Variants in TBC1D19 observed in about 807,000 individuals in gnomAD.
TBC1D19 encodes the protein TBC1 domain family member 19.
In TBC1D19, 60 loss-of-function variants were observed where a neutral mutation model predicts 89.0. The ratio of observed to expected loss-of-function variants is 0.67; its 90% CI spans 0.55 to 0.84. The LOEUF is 0.84. Ranked by LOEUF, TBC1D19 falls within the 40% of genes least tolerant of loss-of-function variation. The probability of loss-of-function intolerance (pLI) is 0.00; values close to 1 mark genes in which losing one functional copy is unlikely to be tolerated. For synonymous variants in TBC1D19, 189 were observed against 199.7 expected (o/e 0.95, Z 0.45); for missense variants, 500 against 610.8 (o/e 0.82, Z 1.91).
chr4:26,740,276 A>G (rs1399773879), intron 17 of TBC1D19, among the ~76,000 whole-genome samples: 2 of 152,142 alleles, frequency 1.3e-5, no homozygotes, highest in Non-Finnish European at 2.9e-5. Flanking sequence ...TTCTTTTCTC[A>G]TTTCTTATCT....
the TBC1D19 span, among the ~76,000 whole-genome samples, chr4:26,811,141 G>A: frequency 1.2e-4 from 19 of 152,188 alleles, no homozygotes; most frequent in African/African-American, 3.9e-4. Context: ...TAAAGAAAAG[G>A]TTACACATAT....
chr4:26,810,301 C>A, the TBC1D19 span, among the ~76,000 whole-genome samples: 5 of 152,154 alleles, frequency 3.3e-5, no homozygotes, highest in African/African-American at 1.2e-4. Context: ...TACTTGCACT[C>A]GAATCTTTGT....
chr4:26,609,543 G>A (rs931909753), intron 1 of TBC1D19, among the ~76,000 whole-genome samples: 1 of 152,118 alleles, frequency 6.6e-6, no homozygotes, highest in African/African-American at 2.4e-5. Context: ...AGGACTGACA[G>A]TTGGGAAATC....
chr4:26,688,995 A>G (rs1050629833), intron 13 of TBC1D19, among the ~76,000 whole-genome samples: 1 of 151,858 alleles, frequency 6.6e-6, no homozygotes, highest in Non-Finnish European at 1.5e-5. Context: ...TGTCAATACA[A>G]ATGTCATAAA....
At position 26,590,796 on chromosome 4, in the gene TBC1D19, G is replaced by GTTT. The variant is rs869124166; in HGVS notation, c.99+6533_99+6535dup. ...GGTTCACTCTTTGTCTTGCAGGTCT[G>GTTT]TTTTTTTTTTTTTTTTTTTTTTTTT... On this transcript the variant is annotated intron_variant, in intron 1 of 20. Transcript: ENST00000264866. Among the ~76,000 whole-genome samples, 276 of 52,900 alleles carry GTTT rather than the reference G, an allele frequency of 5.2e-3. 38 individuals carry two copies. Among genetic ancestry groups the GTTT allele is most frequent in the African/African-American group, 0.017 (210 of 12,004 alleles). The allele number at this position is 52,900 out of a possible 152,430, so 34.7% of individuals were successfully genotyped here. A position where few individuals can be genotyped will look rare whatever the true frequency, so the allele number is the denominator to read the frequency against.
intron 7 of TBC1D19, among the ~76,000 whole-genome samples, chr4:26,640,584 A>G (rs995746199): frequency 1.3e-5 from 2 of 152,194 alleles, no homozygotes; most frequent in Non-Finnish European, 2.9e-5. Flanking sequence ...ACGGAGGGTG[A>G]GCCGAAGCAG....
chr4:26,683,345 G>T (rs1267711133), intron 11 of TBC1D19, among the ~76,000 whole-genome samples: 1 of 152,112 alleles, frequency 6.6e-6, no homozygotes, highest in Admixed American at 6.5e-5. Flanking sequence ...GTTGGTTTGG[G>T]ATTAAATGAG....
At chr4:26,721,018 T>C (rs956839362) in intron 15 of TBC1D19, among the ~76,000 whole-genome samples, 7 of 152,144 alleles carry the variant, frequency 4.6e-5, no homozygotes, top group Admixed American at 4.6e-4. Flanking sequence ...GTTCTCTCCC[T>C]GTGTCTCTCA....
chr4:26,810,997 A>G, the TBC1D19 span, among the ~76,000 whole-genome samples: 1 of 152,206 alleles, frequency 6.6e-6, no homozygotes, highest in African/African-American at 2.4e-5. Context: ...AAGCAATCCC[A>G]TTACTGGGTA....
At chr4:26,615,440 C>T (rs1282859743) in intron 3 of TBC1D19, among the ~76,000 whole-genome samples, 1 of 146,876 alleles carries the variant, frequency 6.8e-6, no homozygotes, top group Non-Finnish European at 1.5e-5. Context: ...GTTCCCAAGT[C>T]TAATTGCACG....
chr4:26,649,915 A>G (rs910526549), intron 7 of TBC1D19, among the ~76,000 whole-genome samples: 41 of 151,928 alleles, frequency 2.7e-4, no homozygotes, highest in African/African-American at 9.7e-4. Context: ...TCCTGTGTCC[A>G]TGCATTCTCA....
intron 12 of TBC1D19, among the ~76,000 whole-genome samples, chr4:26,687,712 T>A (rs1713939867): frequency 6.6e-6 from 1 of 152,128 alleles, no homozygotes; most frequent in African/African-American, 2.4e-5. Flanking sequence ...ACATTTAAGA[T>A]GTTGGAGCTC....
intron 7 of TBC1D19, among the ~76,000 whole-genome samples, chr4:26,647,244 T>C (rs1323186240): frequency 1.3e-5 from 2 of 151,994 alleles, no homozygotes; most frequent in African/African-American, 4.8e-5. Flanking sequence ...AGATAGAGGA[T>C]ACAGGAGGAG....
At chr4:26,628,935 C>G (rs920462856) in intron 4 of TBC1D19, among the ~76,000 whole-genome samples, 2 of 151,920 alleles carry the variant, frequency 1.3e-5, no homozygotes, top group Non-Finnish European at 2.9e-5. Flanking sequence ...CCATACTGCC[C>G]AAGGTAATTT....
In TBC1D19 at chr4:26,717,926, T is replaced by C; in HGVS notation, c.955-7T>C. Reference sequence around the variant, plus strand: ...AATTGCTATTTTTTTTCCAATGTTATATTCAGGTATTACTTTGTTTTTCCC... The same window carrying C: ...AATTGCTATTTTTTTTCCAATGTTACATTCAGGTATTACTTTGTTTTTCCC... On this transcript the variant is annotated splice_polypyrimidine_tract_variant and splice_region_variant and intron_variant, in intron 13 of 20. Coordinates refer to ENST00000264866, the MANE Select transcript of TBC1D19 (RefSeq NM_018317.4). 6.2e-7 allele frequency: 1 copy of C among 1,608,676 alleles called. No homozygotes were observed.
At chr4:26,790,674 T>C in the TBC1D19 span, among the ~76,000 whole-genome samples, 1 of 152,220 alleles carries the variant, frequency 6.6e-6, no homozygotes. Context: ...ACTGTACAGC[T>C]GTAAAGTTTG....
the TBC1D19 span, among the ~76,000 whole-genome samples, chr4:26,761,431 A>G: frequency 6.6e-6 from 1 of 152,170 alleles, no homozygotes; most frequent in Non-Finnish European, 1.5e-5. Flanking sequence ...TTTTGTTAAA[A>G]TTATCCCTAC....
At chr4:26,671,934 T>C (rs1292910542) in intron 9 of TBC1D19, among the ~76,000 whole-genome samples, 1 of 151,816 alleles carries the variant, frequency 6.6e-6, no homozygotes, top group East Asian at 1.9e-4. Flanking sequence ...CATTCATCAA[T>C]TTTTTTGTTT....
the TBC1D19 span, among the ~76,000 whole-genome samples, chr4:26,818,003 T>A: frequency 1.7e-4 from 24 of 142,706 alleles, no homozygotes; most frequent in Non-Finnish European, 2.9e-4. Flanking sequence ...TATATATATA[T>A]GAATAGTATT....
Sources: gnomAD v4.1 joint callset for allele counts (sites outside exome capture counted in the v4.1 genomes callset) on GRCh38, gnomAD v4.1.1 for gene constraint, MANE v1.5 for transcripts, NCBI Gene and HGNC (gene_info 2026-07-23, HGNC 2026-07-21) for gene names.